The following ERC1 variants were observed in gnomAD, a reference collection of about 807,000 sequenced individuals.
The protein encoded by ERC1 is ELKS/RAB6-interacting/CAST family member 1.
ERC1 carries 56 observed loss-of-function variants against 132.0 expected under a neutral mutation model. That is an observed-to-expected ratio of 0.42 (90% CI 0.34 to 0.53). The LOEUF is 0.53. ERC1 is among the 20% of genes least tolerant of loss of function. The pLI is 0.03. For synonymous variants in ERC1, 478 were observed against 476.1 expected (o/e 1.00, Z -0.05); for missense variants, 1,202 against 1,349.9 (o/e 0.89, Z 1.72).
intron 2 of ERC1, among the ~76,000 whole-genome samples, chr12:1,062,185 G>T (rs111418360): frequency 4.0e-5 from 6 of 151,696 alleles, no homozygotes; most frequent in Non-Finnish European, 7.4e-5. Flanking sequence ...GGGTTTCACC[G>T]TGTTAGCCAG....
At chr12:1,334,165 A>G (rs1476006508) in intron 15 of ERC1, among the ~76,000 whole-genome samples, 1 of 152,170 alleles carries the variant, frequency 6.6e-6, no homozygotes, top group Non-Finnish European at 1.5e-5. Context: ...TACCTTGCAA[A>G]AATTTCCTCC....
intron 17 of ERC1, among the ~76,000 whole-genome samples, chr12:1,418,647 C>T (rs1337933497): frequency 6.4e-4 from 87 of 135,006 alleles, no homozygotes; most frequent in African/African-American, 2.1e-3. Context: ...TTCTTTCTCT[C>T]TCTCTCTCTC....
intron 14 of ERC1, among the ~76,000 whole-genome samples, chr12:1,265,732 C>T (rs970563574): frequency 1.3e-5 from 2 of 152,128 alleles, no homozygotes; most frequent in African/African-American, 2.4e-5. Context: ...ATTCCTTCCC[C>T]GTCTCCCCAG....
At chr12:1,247,420 A>C (rs1048905045) in intron 13 of ERC1, among the ~76,000 whole-genome samples, 2 of 152,234 alleles carry the variant, frequency 1.3e-5, no homozygotes, top group African/African-American at 4.8e-5. Flanking sequence ...TATAAGGAGC[A>C]GATGGGCACT....
At chr12:1,076,836 A>G (rs1941431178) in intron 2 of ERC1, among the ~76,000 whole-genome samples, 1 of 152,212 alleles carries the variant, frequency 6.6e-6, no homozygotes, top group South Asian at 2.1e-4. Context: ...AAAATTTATG[A>G]CAGGGTAAAA....
intron 14 of ERC1, 28 bp from the exon 15 acceptor site, chr12:1,289,824 G>T: frequency 6.2e-7 from 1 of 1,604,160 alleles, no homozygotes; most frequent in Admixed American, 1.7e-5. Context: ...AAGACACTCT[G>T]TTGTTCTCTT....
intron 13 of ERC1, among the ~76,000 whole-genome samples, chr12:1,255,093 C>T (rs934276153): frequency 2.0e-5 from 3 of 152,026 alleles, no homozygotes; most frequent in Admixed American, 1.3e-4. Flanking sequence ...ATCCCTCCCC[C>T]AGCCCCAAAC....
At chr12:1,324,893 C>T (rs1485647880) in intron 15 of ERC1, among the ~76,000 whole-genome samples, 1 of 152,158 alleles carries the variant, frequency 6.6e-6, no homozygotes, top group Non-Finnish European at 1.5e-5. Flanking sequence ...CATTCATCCC[C>T]ACCTCACATG....
rs572425048 is a variant in ERC1, at chr12:1,124,889, T to C, written c.1569+8856T>C. ...GAAGTTCAAGAGATAAGAGAAAACA[T>C]GAACAACAGTCGTTATAGAAATTGA... On this transcript the variant is annotated intron_variant, in intron 7 of 18. Transcript: ENST00000360905. Among the ~76,000 whole-genome samples, 117 of 152,168 alleles carry C rather than the reference T, an allele frequency of 7.7e-4. 1 individual carries two copies. The highest frequency in any genetic ancestry group is 1.4e-3 in the Non-Finnish European group (95 of 67,988).
intron 18 of ERC1, among the ~76,000 whole-genome samples, chr12:1,489,147 T>G (rs963803537): frequency 6.6e-6 from 1 of 152,206 alleles, no homozygotes; most frequent in African/African-American, 2.4e-5. Flanking sequence ...TCCCTGTGCC[T>G]TACATTCCTG....
At position 1,444,572 on chromosome 12, in the gene ERC1, C is replaced by A. The variant is rs145292132; in HGVS notation, c.3035C>A (p.Pro1012His). 6.2e-7 allele frequency: 1 copy of A among 1,606,276 alleles called. No homozygotes were observed. The highest frequency in any genetic ancestry group is 1.1e-5 in the South Asian group (1 of 89,694). ...HKPSPDQIIQ[P>H]LLELDQNRSK... The stretch of plus-strand genomic sequence containing the variant: ...ATTTTTTTGCCTTAGATCATCCAGC[C>A]CCTCTTAGAACTTGACCAAAATAGA... The change falls in exon 18 of 19, where the codon CCC becomes CAC. Residue 1012 changes from proline to histidine, a missense_variant. Coordinates refer to ENST00000360905, the MANE Select transcript of ERC1 (RefSeq NM_178040.4).
chr12:1,151,287 A>T (rs1455354745), intron 8 of ERC1, among the ~76,000 whole-genome samples: 1 of 152,330 alleles, frequency 6.6e-6, no homozygotes, highest in East Asian at 1.9e-4. Context: ...CCTTCGGAAC[A>T]TTAAGGTTGT....
intron 15 of ERC1, among the ~76,000 whole-genome samples, chr12:1,348,647 T>C (rs956836042): frequency 9.2e-5 from 14 of 151,938 alleles, no homozygotes; most frequent in Non-Finnish European, 1.9e-4. Flanking sequence ...GAGCCGAGAT[T>C]GTGCCACTGC....
At chr12:1,311,165 A>C (rs73032728) in intron 15 of ERC1, among the ~76,000 whole-genome samples, 2 of 152,236 alleles carry the variant, frequency 1.3e-5, no homozygotes, top group Admixed American at 6.5e-5. Context: ...TTTCTGGCAC[A>C]AACTTTAAAA....
At chr12:1,394,240 A>T (rs1297852274) in intron 16 of ERC1, among the ~76,000 whole-genome samples, 6 of 148,992 alleles carry the variant, frequency 4.0e-5, no homozygotes, top group South Asian at 4.3e-4. Flanking sequence ...CTCTACTAAA[A>T]ATACAAAAAA....
At chr12:1,305,193 C>T (rs2080787833) in intron 15 of ERC1, among the ~76,000 whole-genome samples, 1 of 152,172 alleles carries the variant, frequency 6.6e-6, no homozygotes, top group Non-Finnish European at 1.5e-5. Flanking sequence ...CAGGTTCTCT[C>T]TCTGGGGACT....
chr12:1,319,524 T>A (rs747585218), intron 15 of ERC1, among the ~76,000 whole-genome samples: 42 of 152,336 alleles, frequency 2.8e-4, no homozygotes, highest in Admixed American at 7.8e-4. Context: ...AGGTATGATA[T>A]GAGATATTTA....
intron 8 of ERC1, among the ~76,000 whole-genome samples, chr12:1,157,707 A>C (rs920825117): frequency 1.5e-4 from 23 of 152,182 alleles, no homozygotes; most frequent in Admixed American, 6.5e-5. Context: ...TTTTTTATTG[A>C]ATGTGGTATC....
intron 2 of ERC1, among the ~76,000 whole-genome samples, chr12:1,047,880 T>C (rs1207438438): frequency 2.0e-5 from 3 of 152,148 alleles, no homozygotes; most frequent in African/African-American, 7.2e-5. Context: ...ATTTAATTGT[T>C]CTATGATTTT....
Sources: gnomAD v4.1 joint callset for allele counts (sites outside exome capture counted in the v4.1 genomes callset) on GRCh38, gnomAD v4.1.1 for gene constraint, MANE v1.5 for transcripts, NCBI Gene and HGNC (gene_info 2026-07-23, HGNC 2026-07-21) for gene names.